Variants in ANXA7 observed in about 807,000 individuals in gnomAD.
The protein encoded by ANXA7 is annexin A7, also known as annexin VII.
A neutral mutation model predicts 64.9 loss-of-function variants in ANXA7; 55 were observed. The ratio of observed to expected loss-of-function variants is 0.85; its 90% CI spans 0.68 to 1.06. ANXA7 has a LOEUF of 1.06. Ranked by LOEUF, ANXA7 falls within the 50% of genes least tolerant of loss-of-function variation. The probability of loss-of-function intolerance (pLI) is 0.00; values close to 1 mark genes in which losing one functional copy is unlikely to be tolerated. For missense variants in ANXA7, 548 were observed against 582.1 expected, an observed-to-expected ratio of 0.94 and a Z score of 0.60; for synonymous variants, 200 against 192.4, an observed-to-expected ratio of 1.04 and a Z score of -0.33.
At chr10:73,403,664 G>A (rs868156296) in intron 1 of ANXA7, among the ~76,000 whole-genome samples, 19 of 152,138 alleles carry the variant, frequency 1.2e-4, no homozygotes, top group Admixed American at 5.2e-4. Flanking sequence ...TACTATCTTC[G>A]GGGAAGATTC....
intron 1 of ANXA7, among the ~76,000 whole-genome samples, chr10:73,408,725 T>C (rs1049685763): frequency 1.3e-5 from 2 of 152,202 alleles, no homozygotes; most frequent in African/African-American, 2.4e-5. Context: ...GGAATGTACC[T>C]TATAGAAATA....
chr10:73,410,576 A>T (rs1482344069), intron 1 of ANXA7, among the ~76,000 whole-genome samples: 1 of 152,094 alleles, frequency 6.6e-6, no homozygotes, highest in African/African-American at 2.4e-5. Context: ...TGAGGTTGGG[A>T]GTTTGAAACC....
At chr10:73,398,629 A>G (rs2055614196) in intron 2 of ANXA7, among the ~76,000 whole-genome samples, 2 of 151,948 alleles carry the variant, frequency 1.3e-5, no homozygotes, top group Middle Eastern at 3.4e-3. Context: ...CTGCTTCTCT[A>G]TTTGGGAGTC....
intron 1 of ANXA7, among the ~76,000 whole-genome samples, chr10:73,410,398 A>G (rs942147817): frequency 6.6e-6 from 1 of 152,198 alleles, no homozygotes; most frequent in African/African-American, 2.4e-5. Flanking sequence ...TGAAATAATC[A>G]TTAATAATTC....
At position 73,397,240 on chromosome 10, in the gene ANXA7, A is replaced by C; in HGVS notation, c.294T>G (p.Gly98=). The change falls in exon 4 of 13, where the codon GGT becomes GGG. Residue 98 remains glycine (G), a synonymous_variant. Coordinates refer to ENST00000372921, the MANE Select transcript of ANXA7 (RefSeq NM_001156.5). ...GTGGATACCCAGAAAAGCCTGCTCCACCTGGTGGGACTCCAAATCCTTGGC... is the reference window on the plus strand; with the variant it reads ...GTGGATACCCAGAAAAGCCTGCTCCCCCTGGTGGGACTCCAAATCCTTGGC... The part of the protein sequence containing the change: ...PPGQGFGVPP[G]GAGFSGYPQP... The C allele has an allele frequency of 6.2e-7, 1 of 1,612,724 alleles. No homozygotes were observed. The highest frequency in any genetic ancestry group is 8.5e-7 in the Non-Finnish European group (1 of 1,179,220).
At chr10:73,403,204 T>C (rs1180009855) in intron 1 of ANXA7, among the ~76,000 whole-genome samples, 1 of 152,146 alleles carries the variant, frequency 6.6e-6, no homozygotes, top group Non-Finnish European at 1.5e-5. Flanking sequence ...AACAACAACA[T>C]AGGCCAGGCA....
intron 5 of ANXA7, among the ~76,000 whole-genome samples, chr10:73,393,186 C>T (rs1248758694): frequency 6.6e-6 from 1 of 152,066 alleles, no homozygotes; most frequent in East Asian, 1.9e-4. Context: ...CAAACCACTG[C>T]TCAACGAAAT....
At chr10:73,408,795 G>C (rs998121941) in intron 1 of ANXA7, among the ~76,000 whole-genome samples, 3 of 152,126 alleles carry the variant, frequency 2.0e-5, no homozygotes, top group Non-Finnish European at 4.4e-5. Context: ...TTTTGTAATA[G>C]GAAAAGGTTA....
intron 9 of ANXA7, among the ~76,000 whole-genome samples, chr10:73,382,742 A>C (rs1299039959): frequency 6.6e-6 from 1 of 152,158 alleles, no homozygotes; most frequent in Non-Finnish European, 1.5e-5. Flanking sequence ...GAAGGTGCTA[A>C]TCACAGTTAT....
chr10:73,399,777 A>G (rs12569583), intron 2 of ANXA7, among the ~76,000 whole-genome samples: 22,920 of 151,822 alleles, frequency 0.15, 2,824 homozygotes, highest in African/African-American at 0.32. Flanking sequence ...AGTCGAGATC[A>G]CACCACTGCA....
chr10:73,403,718 C>T (rs2055709970), intron 1 of ANXA7, among the ~76,000 whole-genome samples: 2 of 152,216 alleles, frequency 1.3e-5, no homozygotes, highest in Non-Finnish European at 2.9e-5. Context: ...GAATGTGATA[C>T]TGCCCAATTC....
At chr10:73,387,583 C>T in intron 7 of ANXA7, 106 bp downstream of exon 7, 1 of 863,160 alleles carries the variant, frequency 1.2e-6, no homozygotes. Context: ...GTCTAGTTGT[C>T]CCTCTTTTGC....
chr10:73,412,757 A>G (rs1434096018), intron 1 of ANXA7, among the ~76,000 whole-genome samples: 1 of 150,960 alleles, frequency 6.6e-6, no homozygotes, highest in Non-Finnish European at 1.5e-5. Flanking sequence ...CGGCCTCCCA[A>G]AGTGCTAGGA....
At chr10:73,404,039 A>C (rs2055714555) in intron 1 of ANXA7, among the ~76,000 whole-genome samples, 2 of 152,362 alleles carry the variant, frequency 1.3e-5, no homozygotes, top group South Asian at 4.1e-4. Context: ...TAATACAAGA[A>C]TATTAAAAAA....
chr10:73,402,498 GT>G (rs1240849542), intron 1 of ANXA7, among the ~76,000 whole-genome samples: 3 of 152,160 alleles, frequency 2.0e-5, no homozygotes, highest in African/African-American at 7.2e-5. Context: ...TCAAATTACT[GT>G]TTTAACGACA....
intron 12 of ANXA7, among the ~76,000 whole-genome samples, chr10:73,376,810 T>C (rs555095104): frequency 3.3e-5 from 5 of 151,836 alleles, no homozygotes; most frequent in African/African-American, 7.2e-5. Flanking sequence ...ACACGTACAA[T>C]AGACTATTTA....
intron 5 of ANXA7, among the ~76,000 whole-genome samples, chr10:73,391,442 T>C (rs2055481240): frequency 6.6e-6 from 1 of 151,658 alleles, no homozygotes; most frequent in Admixed American, 6.6e-5. Flanking sequence ...AAAACCTTCA[T>C]CTTTACCAAA....
chr10:73,394,146 C>CA (rs1206770671), intron 5 of ANXA7, among the ~76,000 whole-genome samples: 4 of 152,172 alleles, frequency 2.6e-5, no homozygotes, highest in Non-Finnish European at 5.9e-5. Flanking sequence ...AAATGCAAAT[C>CA]AAAACCACAA....
At chr10:73,400,526 A>G (rs1489605595) in intron 2 of ANXA7, among the ~76,000 whole-genome samples, 2 of 152,188 alleles carry the variant, frequency 1.3e-5, no homozygotes, top group Non-Finnish European at 2.9e-5. Flanking sequence ...ATAGAACCCA[A>G]GTTTCTGGCT....
Sources: allele counts gnomAD v4.1 joint callset (sites outside exome capture counted in the v4.1 genomes callset), GRCh38; gene constraint gnomAD v4.1.1; transcripts MANE v1.5; gene names NCBI Gene and HGNC (gene_info 2026-07-23, HGNC 2026-07-21).